The following CTDSPL variants were observed in gnomAD, a reference collection of about 807,000 sequenced individuals.
CTDSPL encodes the protein CTD small phosphatase like, also known as CTD small phosphatase-like protein.
In CTDSPL, 8 loss-of-function variants were observed where a neutral mutation model predicts 30.5. That is an observed-to-expected ratio of 0.26 (90% CI 0.15 to 0.47). The LOEUF is 0.47. Ranked by LOEUF, CTDSPL falls within the 20% of genes least tolerant of loss-of-function variation. The pLI, the probability that CTDSPL is intolerant of heterozygous loss-of-function variation, is 0.99. For missense variants in CTDSPL, 248 were observed against 366.1 expected, an observed-to-expected ratio of 0.68 and a Z score of 2.63; for synonymous variants, 110 against 137.9, an observed-to-expected ratio of 0.80 and a Z score of 1.42.
intron 2 of CTDSPL, among the ~76,000 whole-genome samples, chr3:37,953,576 A>G (rs1001944316): frequency 6.6e-6 from 1 of 152,218 alleles, no homozygotes; most frequent in Admixed American, 6.5e-5. Flanking sequence ...AAATAAAGAA[A>G]TGGGCAAAAT....
chr3:37,944,758 A>G (rs9844203), intron 1 of CTDSPL: 23,409 of 150,046 alleles, frequency 0.16, 4,544 homozygotes, highest in African/African-American at 0.43. Context: ...GTGAAAATGA[A>G]ACCACTTTGG....
rs140994338 is a variant in CTDSPL at position 37,880,136 on chromosome 3, GATAT to G, written c.79+17871_79+17874del. On this transcript the variant is annotated intron_variant, in intron 1 of 7. Coordinates refer to ENST00000273179, the MANE Select transcript of CTDSPL (RefSeq NM_001008392.2). ...TAATATTATATATATATAAAAATAA[GATAT>G]ATATATATATATCTTATTTCATCTT... 1.6e-4 allele frequency among the ~76,000 whole-genome samples: 23 copies of G among 146,376 alleles called. No homozygotes were observed. In the South Asian group the frequency reaches 4.7e-3, roughly 30 times the overall value.
At chr3:37,963,312 T>C (rs1699263619) in intron 3 of CTDSPL, among the ~76,000 whole-genome samples, 1 of 152,240 alleles carries the variant, frequency 6.6e-6, no homozygotes, top group African/African-American at 2.4e-5. Context: ...CAAATTTACC[T>C]AACCTGTTGA....
intron 1 of CTDSPL, among the ~76,000 whole-genome samples, chr3:37,863,375 T>A (rs1033205853): frequency 2.0e-5 from 3 of 152,248 alleles, no homozygotes; most frequent in Admixed American, 2.0e-4. Context: ...TTGGTGTCTG[T>A]GTTCCCACTT....
At chr3:37,868,591 TGAAAC>T (rs1698038561) in intron 1 of CTDSPL, among the ~76,000 whole-genome samples, 1 of 152,120 alleles carries the variant, frequency 6.6e-6, no homozygotes, top group Non-Finnish European at 1.5e-5. Flanking sequence ...TAATAAGGCG[TGAAAC>T]TTTGGTTTGG....
chr3:37,969,079 A>C (rs530886168), intron 5 of CTDSPL, among the ~76,000 whole-genome samples: 1 of 152,260 alleles, frequency 6.6e-6, no homozygotes, highest in Non-Finnish European at 1.5e-5. Context: ...AAAAGCATCA[A>C]CTGAATTAAC....
At chr3:37,954,920 A>G (rs1227519697) in intron 2 of CTDSPL, 2 of 152,216 alleles carry the variant, frequency 1.3e-5, no homozygotes, top group African/African-American at 2.4e-5. Context: ...GTAAGCTTCT[A>G]GGGTAATTTT....
At chr3:37,959,966 G>A (rs1246277544) in intron 3 of CTDSPL, among the ~76,000 whole-genome samples, 2 of 151,052 alleles carry the variant, frequency 1.3e-5, no homozygotes, top group East Asian at 3.9e-4. Flanking sequence ...CACTTGGAGA[G>A]GCCGAGGAGG....
At chr3:37,957,011 G>C (rs1350795782) in intron 2 of CTDSPL, 100 bp from the exon 3 acceptor site, 5 of 966,526 alleles carry the variant, frequency 5.2e-6, no homozygotes, top group Admixed American at 2.1e-5. Flanking sequence ...GAGAATGGCA[G>C]ATCATGCAGC....
At chr3:37,933,438 T>C (rs953045920) in intron 1 of CTDSPL, among the ~76,000 whole-genome samples, 2 of 152,202 alleles carry the variant, frequency 1.3e-5, no homozygotes, top group African/African-American at 4.8e-5. Context: ...TAAAATTTTA[T>C]TTAATTTTGT....
At chr3:37,965,482 G>A (rs1174477976) in intron 4 of CTDSPL, among the ~76,000 whole-genome samples, 6 of 152,224 alleles carry the variant, frequency 3.9e-5, no homozygotes, top group Admixed American at 6.5e-5. Flanking sequence ...TTGGGGAGAA[G>A]AAGCAGGTAT....
chr3:37,865,841 C>T (rs1698003177), intron 1 of CTDSPL, among the ~76,000 whole-genome samples: 1 of 152,130 alleles, frequency 6.6e-6, no homozygotes, highest in Admixed American at 6.5e-5. Context: ...GAAAACTTTG[C>T]TGATGTTTAA....
intron 7 of CTDSPL, among the ~76,000 whole-genome samples, chr3:37,976,492 G>A (rs901059670): frequency 7.9e-5 from 12 of 151,894 alleles, no homozygotes; most frequent in East Asian, 1.9e-4. Flanking sequence ...TTAGCCAGGC[G>A]TTGGTGGCAC....
intron 1 of CTDSPL, among the ~76,000 whole-genome samples, chr3:37,890,506 G>A (rs911813564): frequency 2.0e-5 from 3 of 152,170 alleles, no homozygotes; most frequent in South Asian, 4.2e-4. Flanking sequence ...GAAAGTGTTT[G>A]CCTCAAAGTA....
intron 1 of CTDSPL, among the ~76,000 whole-genome samples, chr3:37,927,979 A>G (rs2125613760): frequency 6.6e-6 from 1 of 152,162 alleles, no homozygotes; most frequent in South Asian, 2.1e-4. Flanking sequence ...TTTGTATAAT[A>G]TCCTTTATCT....
intron 5 of CTDSPL, among the ~76,000 whole-genome samples, chr3:37,970,788 AT>A (rs1231668846): frequency 6.6e-6 from 1 of 152,228 alleles, no homozygotes; most frequent in African/African-American, 2.4e-5. Context: ...GGGTCCAGGA[AT>A]AGCGATGGTT....
chr3:37,887,994 C>T (rs897123822), intron 1 of CTDSPL, among the ~76,000 whole-genome samples: 1 of 152,176 alleles, frequency 6.6e-6, no homozygotes, highest in Non-Finnish European at 1.5e-5. Flanking sequence ...CAGGCTGCAA[C>T]CACGCAGATG....
intron 1 of CTDSPL, among the ~76,000 whole-genome samples, chr3:37,933,535 T>C (rs991544770): frequency 3.9e-5 from 6 of 152,246 alleles, no homozygotes; most frequent in African/African-American, 1.4e-4. Context: ...TCTTGGAGTA[T>C]GCTCCATTCT....
chr3:37,976,118 A>G (rs535994037), intron 7 of CTDSPL, among the ~76,000 whole-genome samples: 1 of 152,336 alleles, frequency 6.6e-6, no homozygotes, highest in South Asian at 2.1e-4. Flanking sequence ...TGCTGATCTC[A>G]TAGGATCATT....
Sources: allele counts gnomAD v4.1 joint callset (sites outside exome capture counted in the v4.1 genomes callset), GRCh38; gene constraint gnomAD v4.1.1; transcripts MANE v1.5; gene names NCBI Gene and HGNC (gene_info 2026-07-23, HGNC 2026-07-21).